RYR2: variants seen among roughly 807,000 people sequenced by gnomAD.
RYR2 encodes the protein cardiac muscle ryanodine receptor-calcium release channel.
A neutral mutation model predicts 601.1 loss-of-function variants in RYR2; 227 were observed. That is an observed-to-expected ratio of 0.38 (90% CI 0.34 to 0.42). The LOEUF is 0.42. Ranked by LOEUF, RYR2 falls within the 10% of genes least tolerant of loss-of-function variation. RYR2 has a pLI of 1.00. For synonymous variants in RYR2, 2,223 were observed against 2,175.1 expected, an observed-to-expected ratio of 1.02 and a Z score of -0.61; for missense variants, 4,646 against 6,156.5, an observed-to-expected ratio of 0.75 and a Z score of 8.21.
chr1:237,588,764 C>T (rs1674812357), intron 29 of RYR2, among the ~76,000 whole-genome samples: 1 of 151,746 alleles, frequency 6.6e-6, no homozygotes, highest in East Asian at 1.9e-4. Flanking sequence ...ACTTGGGAGG[C>T]GGAGGTTGCA....
intron 1 of RYR2, among the ~76,000 whole-genome samples, chr1:237,202,890 A>G (rs1206209504): frequency 1.3e-5 from 2 of 152,216 alleles, no homozygotes; most frequent in African/African-American, 4.8e-5. Context: ...CAGCAACGCA[A>G]CATTGTGAAT....
chr1:237,282,163 G>T (rs1039796992), intron 2 of RYR2, among the ~76,000 whole-genome samples: 3 of 150,464 alleles, frequency 2.0e-5, no homozygotes, highest in Non-Finnish European at 4.4e-5. Context: ...TGCAGCAAAT[G>T]AAGCTCTAAC....
chr1:237,117,787 C>T (rs927512673), intron 1 of RYR2, among the ~76,000 whole-genome samples: 2 of 150,160 alleles, frequency 1.3e-5, no homozygotes, highest in African/African-American at 2.5e-5. Flanking sequence ...CCTCTGTTGC[C>T]CAGGCTGGAG....
At chr1:237,778,151 C>T (rs940826072) in intron 87 of RYR2, among the ~76,000 whole-genome samples, 6 of 152,098 alleles carry the variant, frequency 3.9e-5, no homozygotes, top group African/African-American at 7.2e-5. Flanking sequence ...TTTTAAAACA[C>T]GTCATTGGTT....
At chr1:237,313,736 A>C (rs2149498137) in intron 2 of RYR2, among the ~76,000 whole-genome samples, 1 of 152,330 alleles carries the variant, frequency 6.6e-6, no homozygotes, top group Middle Eastern at 3.4e-3. Flanking sequence ...TAGGAAAAGA[A>C]ATTTGAAGAC....
chr1:237,219,573 C>A (rs535090941), intron 1 of RYR2, among the ~76,000 whole-genome samples: 1 of 152,272 alleles, frequency 6.6e-6, no homozygotes, highest in African/African-American at 2.4e-5. Context: ...CTCTACAAAT[C>A]AGGGTGTGAT....
At chr1:237,459,924 G>A (rs1442013323) in intron 16 of RYR2, among the ~76,000 whole-genome samples, 1 of 152,144 alleles carries the variant, frequency 6.6e-6, no homozygotes, top group Non-Finnish European at 1.5e-5. Context: ...TGAAGGTGGA[G>A]CAATGTTTCT....
intron 27 of RYR2, among the ~76,000 whole-genome samples, chr1:237,556,714 A>T (rs1383364143): frequency 6.6e-6 from 1 of 151,860 alleles, no homozygotes; most frequent in African/African-American, 2.4e-5. Context: ...CAGTGTAGAC[A>T]GGGAAAATAG....
intron 21 of RYR2, among the ~76,000 whole-genome samples, chr1:237,501,883 G>A (rs1199588572): frequency 1.3e-5 from 2 of 152,172 alleles, no homozygotes; most frequent in East Asian, 3.8e-4. Context: ...GTTTGCACCT[G>A]TAATCCCAGC....
At chr1:237,641,473 C>CTTTCTTTCTTTCTTTCTTTCTT (rs1558122354) in intron 47 of RYR2, among the ~76,000 whole-genome samples, 19 of 17,292 alleles carry the variant, frequency 1.1e-3, no homozygotes, top group South Asian at 5.4e-3. Context: ...GTCTGTCTGT[C>CTTTCTTTCTTTCTTTCTTTCTT]TTTCTTTCTT....
At chr1:237,791,621 A>T in intron 93 of RYR2, 106 bp downstream of exon 93, 1 of 659,280 alleles carries the variant, frequency 1.5e-6, no homozygotes, top group Non-Finnish European at 2.7e-6. Context: ...ACATGTCTAA[A>T]CCTATTATGA....
At chr1:237,721,663 C>T (rs185597855) in intron 73 of RYR2, among the ~76,000 whole-genome samples, 21 of 152,004 alleles carry the variant, frequency 1.4e-4, no homozygotes, top group Admixed American at 6.6e-4. Flanking sequence ...TGATTACAGG[C>T]GTGCACCACC....
chr1:237,045,536 TG>T, intron 1 of RYR2, among the ~76,000 whole-genome samples: 1 of 152,304 alleles, frequency 6.6e-6, no homozygotes, highest in Non-Finnish European at 1.5e-5. Flanking sequence ...TGTTTATCTT[TG>T]AGAGAGATTG....
intron 10 of RYR2, among the ~76,000 whole-genome samples, chr1:237,403,941 CA>C (rs2149953097): frequency 6.6e-6 from 1 of 152,170 alleles, no homozygotes; most frequent in East Asian, 1.9e-4. Context: ...ATAAAAACAG[CA>C]AAAACATCTT....
intron 97 of RYR2, among the ~76,000 whole-genome samples, chr1:237,801,010 G>A (rs1659893388): frequency 6.6e-6 from 1 of 151,612 alleles, no homozygotes; most frequent in Non-Finnish European, 1.5e-5. Context: ...GATGTAAAAG[G>A]AAACAGAGAA....
chr1:237,307,597 CTT>C (rs1694003635), intron 2 of RYR2, among the ~76,000 whole-genome samples: 1 of 152,212 alleles, frequency 6.6e-6, no homozygotes, highest in Non-Finnish European at 1.5e-5. Flanking sequence ...ATCAAGCTAA[CTT>C]GAGTTTTGTT....
chr1:237,401,934 A>G (rs1187273436), intron 10 of RYR2, among the ~76,000 whole-genome samples: 1 of 152,146 alleles, frequency 6.6e-6, no homozygotes, highest in Non-Finnish European at 1.5e-5. Flanking sequence ...GGAAAATTCC[A>G]AGGGTGTACT....
chr1:237,223,321 C>A lies in RYR2; in HGVS notation c.49-47176C>A, dbSNP rs558707160. ...AAGGTGGGCAAGAGACATGAAGCCT[C>A]TTTTACAAGAGCCTTAATTCCATTC... On this transcript the variant is annotated intron_variant, in intron 1 of 104. Coordinates refer to ENST00000366574, the MANE Select transcript of RYR2 (RefSeq NM_001035.3). 1.4e-4 allele frequency among the ~76,000 whole-genome samples: 22 copies of A among 152,306 alleles called. 1 individual carries two copies. In the South Asian group the frequency reaches 4.6e-3, roughly 32 times the overall value.
At chr1:237,136,930 T>C (rs1347913459) in intron 1 of RYR2, among the ~76,000 whole-genome samples, 1 of 150,334 alleles carries the variant, frequency 6.7e-6, no homozygotes, top group Non-Finnish European at 1.5e-5. Context: ...GGCAGGAGAA[T>C]TGCTTGAACC....
Sources: gnomAD v4.1 joint callset for allele counts (sites outside exome capture counted in the v4.1 genomes callset) on GRCh38, gnomAD v4.1.1 for gene constraint, MANE v1.5 for transcripts, NCBI Gene and HGNC (gene_info 2026-07-23, HGNC 2026-07-21) for gene names.